Variants in CHEK1 observed in about 807,000 individuals in gnomAD.
CHEK1 encodes the protein checkpoint kinase 1.
CHEK1 carries 32 observed loss-of-function variants against 60.2 expected under a neutral mutation model. The ratio of observed to expected loss-of-function variants is 0.53; its 90% CI spans 0.40 to 0.71. CHEK1 has a LOEUF of 0.71. CHEK1 is among the 30% of genes least tolerant of loss of function. CHEK1 has a pLI of 0.00. For synonymous variants in CHEK1, 179 were observed against 187.2 expected (o/e 0.96, Z 0.36); for missense variants, 399 against 564.6 (o/e 0.71, Z 2.97).
intron 13 of CHEK1, among the ~76,000 whole-genome samples, chr11:125,670,972 A>G (rs1434125382): frequency 6.6e-6 from 1 of 152,048 alleles, no homozygotes; most frequent in East Asian, 1.9e-4. Flanking sequence ...GAGTCTCACT[A>G]TGTTGCCCAG....
downstream of CHEK1, among the ~76,000 whole-genome samples, chr11:125,661,338 G>T (rs1018995411): frequency 1.3e-5 from 2 of 151,576 alleles, no homozygotes; most frequent in African/African-American, 2.4e-5. Context: ...TTGAGACAGG[G>T]TCTCACTCTG....
rs1256728700 is a variant in CHEK1, at chr11:125,654,364, G to A, written c.1335+517G>A. On this transcript the variant is annotated intron_variant, in intron 12 of 12. Coordinates refer to ENST00000438015, the MANE Select transcript of CHEK1 (RefSeq NM_001114122.3). ...AGAAATTTCTGCTTTTGTGAAAAAT[G>A]TAGATAAGCAAAAAATGAGAAAATA... 4.6e-5 allele frequency among the ~76,000 whole-genome samples: 7 copies of A among 152,162 alleles called. No homozygotes were observed. In the South Asian group the frequency reaches 6.2e-4, roughly 14 times the overall value.
chr11:125,627,854 T>C (rs1940687892), intron 3 of CHEK1, 24 bp downstream of exon 3: 1 of 1,479,472 alleles, frequency 6.8e-7, no homozygotes, highest in African/African-American at 1.4e-5. Flanking sequence ...TTAAGATAAT[T>C]ATTTTAAACA....
At chr11:125,626,560 T>TTTAC (rs1940621511) in intron 1 of CHEK1, 189 bp from the exon 2 acceptor site, 3 of 577,968 alleles carry the variant, frequency 5.2e-6, no homozygotes, top group Middle Eastern at 4.5e-4. Context: ...GCGATTGTGA[T>TTTAC]TTACACGACA....
At chr11:125,634,005 T>TTTG (rs1041761856) in intron 6 of CHEK1, among the ~76,000 whole-genome samples, 7 of 149,828 alleles carry the variant, frequency 4.7e-5, no homozygotes, top group Non-Finnish European at 8.9e-5. Context: ...GTGGTTTTTT[T>TTTG]TTTTTTTTTT....
downstream of CHEK1, chr11:125,677,673 G>T: frequency 7.7e-7 from 1 of 1,305,314 alleles, no homozygotes; most frequent in Non-Finnish European, 1.1e-6. Context: ...GACTTTGAGA[G>T]AGCTGTTTGT....
At chr11:125,640,470 G>A (rs34499504) in intron 8 of CHEK1, among the ~76,000 whole-genome samples, 24,318 of 151,226 alleles carry the variant, frequency 0.16, 1,971 homozygotes, top group East Asian at 0.2. Flanking sequence ...GAACCCCGGG[G>A]GGCGGAGCTT....
Position 125,625,279 on chromosome 11 carries a change from T to A in CHEK1, c.-754T>A, listed in dbSNP as rs542221801. 2.9e-4 allele frequency: 68 copies of A among 233,232 alleles called. No individual in the cohort carries two copies. The highest frequency in any genetic ancestry group is 1.5e-3 in the African/African-American group (66 of 45,220). The allele number at this position is 233,232 out of a possible 1,614,324, so 14.4% of individuals were successfully genotyped here. On this transcript the variant is annotated 5_prime_UTR_variant, in exon 1 of 13. Transcript: ENST00000438015. The stretch of plus-strand genomic sequence containing the variant: ...CTGAAGTAAAGCATTGTTTTGGAGC[T>A]GGTTCACAGAAAAAAGGCAAAACTG...
chr11:125,652,643 A>G (rs932347248), intron 11 of CHEK1, among the ~76,000 whole-genome samples: 4 of 152,186 alleles, frequency 2.6e-5, no homozygotes, highest in Non-Finnish European at 5.9e-5. Flanking sequence ...AATGAGTGAG[A>G]TTATCAGCAT....
chr11:125,635,628 C>A, intron 7 of CHEK1, 95 bp downstream of exon 7: 1 of 746,568 alleles, frequency 1.3e-6, no homozygotes, highest in Non-Finnish European at 2.1e-6. Flanking sequence ...TTGTTTTAAA[C>A]TTACAAATAA....
At chr11:125,633,097 T>A in intron 5 of CHEK1, 66 bp from the exon 6 acceptor site, 1 of 1,409,948 alleles carries the variant, frequency 7.1e-7, no homozygotes. Flanking sequence ...TAAAACTTAA[T>A]TCCTGTAAGT....
In CHEK1 at chr11:125,656,611, T is replaced by C. The variant is rs528324506; in HGVS notation, c.*1291T>C. 1 of 213,612 alleles carries C rather than the reference T, an allele frequency of 4.7e-6. No individual in the cohort carries two copies. Among genetic ancestry groups the C allele is most frequent in the African/African-American group, 2.3e-5 (1 of 44,392 alleles). The allele number at this position is 213,612 out of a possible 1,614,324, so 13.2% of individuals were successfully genotyped here. On this transcript the variant is annotated 3_prime_UTR_variant, in exon 13 of 13. Coordinates refer to ENST00000438015, the MANE Select transcript of CHEK1 (RefSeq NM_001114122.3). The stretch of plus-strand genomic sequence containing the variant: ...ATTTTGTTCTTGAGAATTATCTGAG[T>C]CATTAATATTTTTCAAAAACAGCTC...
intron 8 of CHEK1, among the ~76,000 whole-genome samples, chr11:125,638,005 A>G (rs917755891): frequency 1.3e-5 from 2 of 152,252 alleles, no homozygotes; most frequent in African/African-American, 4.8e-5. Context: ...ATGGTGCACC[A>G]TAGGCACTCA....
intron 13 of CHEK1, among the ~76,000 whole-genome samples, chr11:125,668,868 T>C (rs2134094767): frequency 6.6e-6 from 1 of 152,326 alleles, no homozygotes; most frequent in South Asian, 2.1e-4. Context: ...TCATTTTATT[T>C]ATTAGCTTTT....
downstream of CHEK1, among the ~76,000 whole-genome samples, chr11:125,660,380 C>A (rs1258446480): frequency 6.6e-6 from 1 of 151,932 alleles, no homozygotes; most frequent in Non-Finnish European, 1.5e-5. Context: ...TGTATTTTTA[C>A]TTGTGGTTCT....
Position 125,673,303 on chromosome 11 carries a change from C to T in CHEK1, c.*28-2625C>T, listed in dbSNP as rs181165805. On this transcript the variant is annotated intron_variant, in intron 13 of 13. Transcript: ENST00000428830. ...CACCGCAGCCTCCACCTCCCAGGTTCAAGCGATTGTCCTCCCTCAGCCTCC... is the reference window on the plus strand; with the variant it reads ...CACCGCAGCCTCCACCTCCCAGGTTTAAGCGATTGTCCTCCCTCAGCCTCC... 1.9e-4 allele frequency among the ~76,000 whole-genome samples: 29 copies of T among 151,822 alleles called. 1 individual carries two copies. Among genetic ancestry groups the T allele is most frequent in the African/African-American group, 6.5e-4 (27 of 41,390 alleles).
downstream of CHEK1, chr11:125,680,689 C>T (rs1402222525): frequency 7.6e-6 from 12 of 1,575,066 alleles, 1 homozygote; most frequent in Admixed American, 1.2e-4. Context: ...TTAAGGGAGA[C>T]CCCTTTTGTA....
intron 13 of CHEK1, among the ~76,000 whole-genome samples, chr11:125,674,865 G>T (rs1045177501): frequency 6.6e-6 from 1 of 152,122 alleles, no homozygotes; most frequent in African/African-American, 2.4e-5. Flanking sequence ...GTATCAGCTG[G>T]CTCCAGTCAA....
At chr11:125,643,712 T>C (rs1941388900) in intron 8 of CHEK1, 80 bp from the exon 9 acceptor site, 1 of 1,053,080 alleles carries the variant, frequency 9.5e-7, no homozygotes, top group Non-Finnish European at 1.4e-6. Context: ...GTTTTACTTC[T>C]TCAAGTTGCC....
Sources: allele counts gnomAD v4.1 joint callset (sites outside exome capture counted in the v4.1 genomes callset), GRCh38; gene constraint gnomAD v4.1.1; transcripts MANE v1.5; gene names NCBI Gene and HGNC (gene_info 2026-07-23, HGNC 2026-07-21).